The following NKAIN2 variants were observed in gnomAD, a reference collection of about 807,000 sequenced individuals.
NKAIN2 encodes sodium/potassium-transporting ATPase subunit beta-1-interacting protein 2.
NKAIN2 carries 14 observed loss-of-function variants against 32.6 expected under a neutral mutation model. The ratio of observed to expected loss-of-function variants is 0.43; its 90% CI spans 0.28 to 0.67. The LOEUF is 0.67. Among genes scored for constraint, NKAIN2 ranks in the 30% least tolerant of loss-of-function variants. The pLI is 0.17. For synonymous variants in NKAIN2, 80 were observed against 87.2 expected (o/e 0.92, Z 0.46); for missense variants, 198 against 258.3 (o/e 0.77, Z 1.60).
chr6:123,990,738 TA>T (rs1246688728), intron 1 of NKAIN2, among the ~76,000 whole-genome samples: 2 of 152,236 alleles, frequency 1.3e-5, no homozygotes, highest in Non-Finnish European at 2.9e-5. Context: ...GTTAAGAATT[TA>T]CCCCCATTGT....
intron 1 of NKAIN2, among the ~76,000 whole-genome samples, chr6:124,076,294 T>C (rs1347077195): frequency 1.3e-5 from 2 of 152,166 alleles, no homozygotes; most frequent in African/African-American, 4.8e-5. Flanking sequence ...ATGTCCACTG[T>C]CTGAGCTGGA....
At chr6:124,714,169 C>T (rs577159120) in intron 4 of NKAIN2, among the ~76,000 whole-genome samples, 46 of 152,232 alleles carry the variant, frequency 3.0e-4, no homozygotes, top group African/African-American at 1.1e-3. Flanking sequence ...TCCAGAGATT[C>T]GGATGTAATC....
At position 123,915,631 on chromosome 6, in the gene NKAIN2, C is replaced by A. The variant is rs998194853; in HGVS notation, c.54+111377C>A. 4.1e-4 allele frequency among the ~76,000 whole-genome samples: 62 copies of A among 152,032 alleles called. 2 individuals carry two copies. Among genetic ancestry groups the A allele is most frequent in the Non-Finnish European group, 1.5e-5 (1 of 68,018 alleles). ...TGGAGCACTTACTCCAAGATATACA[C>A]GAGAGAAAATTCTACAATTGGTTTT... On this transcript the variant is annotated intron_variant, in intron 1 of 6. Transcript: ENST00000368417.
At chr6:124,714,302 C>T (rs562163902) in intron 4 of NKAIN2, among the ~76,000 whole-genome samples, 3 of 152,268 alleles carry the variant, frequency 2.0e-5, no homozygotes, top group East Asian at 3.9e-4. Context: ...CCAGAGGCAG[C>T]TATTTGATTG....
At chr6:124,222,831 T>C (rs1247731325) in intron 1 of NKAIN2, among the ~76,000 whole-genome samples, 1 of 152,218 alleles carries the variant, frequency 6.6e-6, no homozygotes, top group Non-Finnish European at 1.5e-5. Flanking sequence ...ATTAATCATT[T>C]GGCTATGTGG....
At chr6:124,500,334 A>C (rs1167941583) in intron 3 of NKAIN2, among the ~76,000 whole-genome samples, 2 of 151,526 alleles carry the variant, frequency 1.3e-5, no homozygotes, top group African/African-American at 4.9e-5. Flanking sequence ...TGAGATGACA[A>C]CCCTTTTTTT....
At chr6:124,608,105 A>G (rs1174857087) in intron 3 of NKAIN2, among the ~76,000 whole-genome samples, 1 of 152,302 alleles carries the variant, frequency 6.6e-6, no homozygotes. Context: ...TGATAGATAC[A>G]TATATCTTGC....
intron 1 of NKAIN2, among the ~76,000 whole-genome samples, chr6:124,254,066 C>T (rs1474209567): frequency 1.3e-5 from 2 of 152,024 alleles, no homozygotes; most frequent in Admixed American, 6.6e-5. Flanking sequence ...CCGCCCGCCT[C>T]GGCCTCCCAA....
chr6:124,001,788 C>T (rs973182458), intron 1 of NKAIN2, among the ~76,000 whole-genome samples: 1 of 126,048 alleles, frequency 7.9e-6, no homozygotes, highest in African/African-American at 3.2e-5. Flanking sequence ...AAAAGAAGTT[C>T]TCTTAGTTCT....
chr6:124,586,897 A>G (rs1217662418), intron 3 of NKAIN2, among the ~76,000 whole-genome samples: 2 of 152,236 alleles, frequency 1.3e-5, no homozygotes, highest in Non-Finnish European at 2.9e-5. Flanking sequence ...ATGTCTCTCA[A>G]GTGTATTATG....
intron 3 of NKAIN2, among the ~76,000 whole-genome samples, chr6:124,363,037 GT>G (rs1799359423): frequency 1.3e-5 from 2 of 151,972 alleles, no homozygotes; most frequent in Admixed American, 1.3e-4. Context: ...GTTTTGCAAT[GT>G]TCGCCAGGCT....
chr6:123,885,441 G>A (rs9388288), intron 1 of NKAIN2, among the ~76,000 whole-genome samples: 71,985 of 151,826 alleles, frequency 0.47, 18,324 homozygotes, highest in Admixed American at 0.61. Context: ...GAAAAAAGAT[G>A]TTTAGGTAGG....
intron 3 of NKAIN2, among the ~76,000 whole-genome samples, chr6:124,505,452 C>T (rs1490095496): frequency 6.6e-6 from 1 of 152,182 alleles, no homozygotes; most frequent in African/African-American, 2.4e-5. Context: ...GAACCTCTTC[C>T]ATCAAATTTC....
intron 1 of NKAIN2, among the ~76,000 whole-genome samples, chr6:124,137,979 A>G (rs1293326599): frequency 2.0e-5 from 3 of 152,198 alleles, no homozygotes; most frequent in Non-Finnish European, 4.4e-5. Context: ...CCCAGAGCCC[A>G]AAAGCAAATG....
chr6:124,599,567 G>A (rs959852721), intron 3 of NKAIN2, among the ~76,000 whole-genome samples: 1 of 152,132 alleles, frequency 6.6e-6, no homozygotes, highest in East Asian at 1.9e-4. Context: ...TGTACCCTGA[G>A]TACCCTTCAA....
intron 3 of NKAIN2, among the ~76,000 whole-genome samples, chr6:124,530,101 C>G (rs1452510916): frequency 6.6e-6 from 1 of 152,180 alleles, no homozygotes; most frequent in Admixed American, 6.5e-5. Context: ...ACAGTTGACC[C>G]TTGAACAATG....
At chr6:124,171,893 A>T (rs1788900630) in intron 1 of NKAIN2, among the ~76,000 whole-genome samples, 1 of 141,566 alleles carries the variant, frequency 7.1e-6, no homozygotes, top group African/African-American at 2.7e-5. Flanking sequence ...GTCGCCCAGG[A>T]TGGAGTACAA....
intron 3 of NKAIN2, among the ~76,000 whole-genome samples, chr6:124,419,428 C>T (rs116337654): frequency 3.3e-4 from 50 of 152,210 alleles, no homozygotes; most frequent in African/African-American, 1.2e-3. Flanking sequence ...TAAAGGACTT[C>T]GTTCCTTGTA....
At chr6:123,932,434 T>TTTTC (rs1481221049) in intron 1 of NKAIN2, among the ~76,000 whole-genome samples, 3 of 91,788 alleles carry the variant, frequency 3.3e-5, no homozygotes. Flanking sequence ...TTTTTTTTTT[T>TTTTC]GAGAAAGAGT....
Sources: allele counts gnomAD v4.1 joint callset (sites outside exome capture counted in the v4.1 genomes callset), GRCh38; gene constraint gnomAD v4.1.1; transcripts MANE v1.5; gene names NCBI Gene and HGNC (gene_info 2026-07-23, HGNC 2026-07-21).